SPECC1: variants seen among roughly 807,000 people sequenced by gnomAD.
SPECC1 encodes the protein sperm antigen with calponin homology and coiled-coil domains 1.
SPECC1 carries 62 observed loss-of-function variants against 104.1 expected under a neutral mutation model. That is an observed-to-expected ratio of 0.60 (90% CI 0.49 to 0.74). SPECC1 has a LOEUF of 0.74. Ranked by LOEUF, SPECC1 falls within the 30% of genes least tolerant of loss-of-function variation. The pLI is 0.00. For missense variants in SPECC1, 1,306 were observed against 1,310.5 expected (o/e 1.00, Z 0.05); for synonymous variants, 513 against 501.6 (o/e 1.02, Z -0.30).
chr17:20,245,852 G>GT (rs2039399364), intron 7 of SPECC1, 74 bp from the exon 8 acceptor site: 1 of 1,556,102 alleles, frequency 6.4e-7, no homozygotes, highest in African/African-American at 1.4e-5. Flanking sequence ...CATCAGTTCT[G>GT]TTTTCCTCTG....
chr17:20,248,772 T>A (rs909913930), intron 9 of SPECC1, among the ~76,000 whole-genome samples: 1 of 152,240 alleles, frequency 6.6e-6, no homozygotes, highest in African/African-American at 2.4e-5. Flanking sequence ...TTTTTTCATA[T>A]GTAATTGTAT....
rs78903732 is a variant in SPECC1 at position 20,044,538 on chromosome 17, G to A, written c.-22+35114G>A. 2.7e-3 allele frequency among the ~76,000 whole-genome samples: 408 copies of A among 152,170 alleles called. 16 individuals carry two copies. The East Asian group carries it at 0.075, about 28-fold the overall frequency. On this transcript the variant is annotated intron_variant, in intron 1 of 14. Coordinates refer to ENST00000395527, the MANE Select transcript of SPECC1 (RefSeq NM_001243439.2). ...AGAGCGTGATGGTGTTTTGAATTAA[G>A]ATATAATAAGAAAAACATATAAAAC...
intron 3 of SPECC1, among the ~76,000 whole-genome samples, chr17:20,141,077 C>T (rs1421788531): frequency 1.3e-5 from 2 of 152,190 alleles, no homozygotes; most frequent in Non-Finnish European, 2.9e-5. Context: ...GCCCCCTTCT[C>T]TCCTCCTGCC....
chr17:20,063,745 C>T (rs1013423793), intron 1 of SPECC1, among the ~76,000 whole-genome samples: 2 of 152,180 alleles, frequency 1.3e-5, no homozygotes, highest in South Asian at 2.1e-4. Context: ...AGGAATCAGG[C>T]AGACTGAATC....
chr17:20,109,519 A>G (rs986967133), intron 2 of SPECC1, among the ~76,000 whole-genome samples: 3 of 152,344 alleles, frequency 2.0e-5, no homozygotes, highest in African/African-American at 4.8e-5. Context: ...CTTAGACTTC[A>G]GCACCTTTTA....
At chr17:20,256,942 C>T (rs2039854693) in intron 10 of SPECC1, among the ~76,000 whole-genome samples, 1 of 152,190 alleles carries the variant, frequency 6.6e-6, no homozygotes, top group Non-Finnish European at 1.5e-5. Context: ...AGAAAGGAGC[C>T]TTGAAAGAGT....
chr17:20,236,767 G>A (rs957666136), intron 7 of SPECC1: 1 of 1,520,196 alleles, frequency 6.6e-7, no homozygotes. Context: ...CTGTGGGACA[G>A]TGTAAGCTGG....
At chr17:20,288,798 T>G (rs4925100) in intron 12 of SPECC1, among the ~76,000 whole-genome samples, 1 of 47,524 alleles carries the variant, frequency 2.1e-5, no homozygotes, top group African/African-American at 1.2e-4. Context: ...TTTTTTTTTG[T>G]CCCAAGACGG....
rs559442195 is a variant in SPECC1, at chr17:20,081,114, G to A, written c.-21-15517G>A. 2.3e-4 allele frequency among the ~76,000 whole-genome samples: 35 copies of A among 152,198 alleles called. No individual in the cohort carries two copies. In the East Asian group the frequency reaches 6.2e-3, roughly 27 times the overall value. ...TCTTTTCCTTCCTGCTGGGTCATGT[G>A]CCCCTTGAATAAGCTCTTCTGTCAC... On this transcript the variant is annotated intron_variant, in intron 1 of 14. Coordinates refer to ENST00000395527, the MANE Select transcript of SPECC1 (RefSeq NM_001243439.2).
intron 4 of SPECC1, among the ~76,000 whole-genome samples, chr17:20,223,272 G>A (rs1265126829): frequency 6.6e-6 from 1 of 151,772 alleles, no homozygotes; most frequent in African/African-American, 2.4e-5. Context: ...CTGTCTTCAA[G>A]CTCACTAATT....
At chr17:20,017,552 G>T in intron 1 of SPECC1, 1 of 152,988 alleles carries the variant, frequency 6.5e-6, no homozygotes, top group South Asian at 2.0e-4. Context: ...CACCAATTCC[G>T]GACACAAAAG....
At chr17:20,136,020 G>C (rs185981064) in intron 3 of SPECC1, among the ~76,000 whole-genome samples, 31 of 152,262 alleles carry the variant, frequency 2.0e-4, no homozygotes, top group Admixed American at 1.8e-3. Context: ...CTGAGAAGAA[G>C]CCAAACTCTA....
chr17:20,142,906 A>G (rs989082334), intron 3 of SPECC1, among the ~76,000 whole-genome samples: 3 of 151,526 alleles, frequency 2.0e-5, no homozygotes, highest in Non-Finnish European at 2.9e-5. Context: ...AGGCTAAGGC[A>G]GGAGAATCAC....
At chr17:20,109,963 A>G (rs769795771) in intron 2 of SPECC1, among the ~76,000 whole-genome samples, 4 of 152,184 alleles carry the variant, frequency 2.6e-5, no homozygotes, top group South Asian at 2.1e-4. Context: ...GGCTCAAGCA[A>G]TCCTCTCACC....
At chr17:20,066,607 A>G (rs1201329302) in intron 1 of SPECC1, among the ~76,000 whole-genome samples, 1 of 152,180 alleles carries the variant, frequency 6.6e-6, no homozygotes, top group Admixed American at 6.5e-5. Flanking sequence ...CCTGCAAAGG[A>G]TGTCTTGGGC....
chr17:20,112,433 T>G, intron 3 of SPECC1: 1 of 764,760 alleles, frequency 1.3e-6, no homozygotes. Flanking sequence ...CTGAAAGGAA[T>G]TTGTCTGATT....
At chr17:20,282,196 A>C (rs1296397575) in intron 12 of SPECC1, among the ~76,000 whole-genome samples, 3 of 152,248 alleles carry the variant, frequency 2.0e-5, no homozygotes, top group Non-Finnish European at 1.5e-5. Context: ...GGAAGCAAGA[A>C]AGACAGGGCC....
chr17:20,155,857 CAAG>C (rs2032426720), intron 3 of SPECC1: 2 of 1,027,472 alleles, frequency 1.9e-6, no homozygotes, highest in African/African-American at 1.7e-5. Flanking sequence ...TTCTGGCAGC[CAAG>C]AAGGAAATAC....
chr17:20,306,214 T>TA, intron 14 of SPECC1, 132 bp downstream of exon 14: 2 of 723,114 alleles, frequency 2.8e-6, no homozygotes, highest in Non-Finnish European at 4.7e-6. Context: ...ATACCTAATA[T>TA]AGAGTTATCC....
Sources: allele counts gnomAD v4.1 joint callset (sites outside exome capture counted in the v4.1 genomes callset), GRCh38; gene constraint gnomAD v4.1.1; transcripts MANE v1.5; gene names NCBI Gene and HGNC (gene_info 2026-07-23, HGNC 2026-07-21).